Variants in TNFSF15 observed in about 807,000 individuals in gnomAD.
The protein encoded by TNFSF15 is TNF superfamily member 15.
Under a neutral mutation model 26.4 loss-of-function variants are expected in TNFSF15, and 15 were observed. The ratio of observed to expected loss-of-function variants is 0.57; its 90% CI spans 0.38 to 0.87. The LOEUF is 0.87. Ranked by LOEUF, TNFSF15 falls within the 40% of genes least tolerant of loss-of-function variation. TNFSF15 has a pLI of 0.00. For missense variants in TNFSF15, 290 were observed against 306.1 expected, an observed-to-expected ratio of 0.95 and a Z score of 0.39; for synonymous variants, 116 against 115.0, an observed-to-expected ratio of 1.01 and a Z score of -0.06.
chr9:114,799,161 C>T (rs1229767598), intron 1 of TNFSF15, among the ~76,000 whole-genome samples: 1 of 152,188 alleles, frequency 6.6e-6, no homozygotes, highest in Non-Finnish European at 1.5e-5. Context: ...AGCAAAGATG[C>T]TGGTGTTTGC....
intron 1 of TNFSF15, among the ~76,000 whole-genome samples, chr9:114,799,370 G>A (rs1425975378): frequency 6.6e-6 from 1 of 152,158 alleles, no homozygotes; most frequent in Non-Finnish European, 1.5e-5. Flanking sequence ...ATATATGATT[G>A]TAGGCTGTAT....
chr9:114,803,747 G>C (rs1829778538), intron 1 of TNFSF15, among the ~76,000 whole-genome samples: 1 of 152,214 alleles, frequency 6.6e-6, no homozygotes, highest in Admixed American at 6.5e-5. Context: ...TTTTGGCAGT[G>C]ACTGCCTTTC....
At chr9:114,799,497 T>C (rs1404545144) in intron 1 of TNFSF15, among the ~76,000 whole-genome samples, 1 of 152,216 alleles carries the variant, frequency 6.6e-6, no homozygotes, top group African/African-American at 2.4e-5. Context: ...CCGGGAGGCA[T>C]CTGCTTTTCC....
Position 114,790,173 on chromosome 9 carries a change from T to G in TNFSF15, c.*279A>C. ...CTGACCCGAGTAGATCATCCATTCA[T>G]TTAGTGATCAGTGTCTTAATATTTA... is the stretch of plus-strand genomic sequence containing the variant. On this transcript the variant is annotated 3_prime_UTR_variant, in exon 4 of 4. Coordinates refer to ENST00000374045, the MANE Select transcript of TNFSF15 (RefSeq NM_005118.4). 3.4e-6 allele frequency: 1 copy of G among 297,564 alleles called. No homozygotes were observed. The allele number at this position is 297,564 out of a possible 1,614,324, so 18.4% of individuals were successfully genotyped here.
In TNFSF15 at chr9:114,789,321, T is replaced by TTA. The variant is rs1253239583; in HGVS notation, c.*1130_*1131insTA. 1 of 150,408 alleles carries TTA rather than the reference T, an allele frequency of 6.6e-6. No individual in the cohort carries two copies. The highest frequency in any genetic ancestry group is 2.4e-5 in the African/African-American group (1 of 41,248). The allele number at this position is 150,408 out of a possible 1,614,324, so 9.3% of individuals were successfully genotyped here. Reference sequence around the variant, plus strand: ...TAAAGGCTTGGAGTTATTATTTTATTTTTTTTTTTTTGGACAGAGTTTTGC... The same window carrying TTA: ...TAAAGGCTTGGAGTTATTATTTTATTTATTTTTTTTTTTGGACAGAGTTTTGC... On this transcript the variant is annotated 3_prime_UTR_variant, in exon 4 of 4. Transcript: ENST00000374045.
intron 1 of TNFSF15, among the ~76,000 whole-genome samples, chr9:114,794,509 C>T (rs908051152): frequency 6.6e-6 from 1 of 152,132 alleles, no homozygotes; most frequent in Non-Finnish European, 1.5e-5. Flanking sequence ...CTAGCAATCT[C>T]ACTACTGGGC....
In TNFSF15 at chr9:114,787,360, T is replaced by G. The variant is rs1286907122; in HGVS notation, c.*3092A>C. On this transcript the variant is annotated 3_prime_UTR_variant, in exon 4 of 4. Coordinates refer to ENST00000374045, the MANE Select transcript of TNFSF15 (RefSeq NM_005118.4). The stretch of plus-strand genomic sequence containing the variant: ...GCCTAAAGTTTACGAATTAATTAGC[T>G]AATACAACCAAAATAAATTAAAGAA... 6.6e-6 allele frequency: 1 copy of G among 152,216 alleles called. No individual in the cohort carries two copies. The highest frequency in any genetic ancestry group is 1.5e-5 in the Non-Finnish European group (1 of 68,044). 9.4% of individuals were successfully genotyped at this position (152,216 alleles called of 1,614,324 possible).
intron 1 of TNFSF15, among the ~76,000 whole-genome samples, chr9:114,793,941 G>T (rs1418630494): frequency 6.6e-6 from 1 of 152,130 alleles, no homozygotes; most frequent in African/African-American, 2.4e-5. Flanking sequence ...TTTAAAAATT[G>T]GGACTCTTCT....
At position 114,790,861 on chromosome 9, in the gene TNFSF15, G is replaced by A. The variant is rs1829586642; in HGVS notation, c.347C>T (p.Ala116Val). The change falls in exon 4 of 4, where the codon GCT becomes GTT. Residue 116 changes from alanine to valine, a missense_variant. By Grantham distance (64) the Ala-to-Val change is moderately conservative. Coordinates refer to ENST00000374045, the MANE Select transcript of TNFSF15 (RefSeq NM_005118.4). The part of the protein sequence containing the change: ...PTQHFKNQFP[A>V]LHWEHELGLA... ...GCCTAGTTCATGTTCCCAGTGCAGAGCTGGGAACTGATTTTTAAAGTGCTG... is the reference window on the plus strand; with the variant it reads ...GCCTAGTTCATGTTCCCAGTGCAGAACTGGGAACTGATTTTTAAAGTGCTG... 4 of 1,614,030 alleles carry A rather than the reference G, an allele frequency of 2.5e-6. No homozygotes were observed. The African/African-American group carries it at 5.3e-5, about 22-fold the overall frequency.
At position 114,793,504 on chromosome 9, in the gene TNFSF15, C is replaced by T. The variant is rs145158202; in HGVS notation, c.253+22G>A. The T allele has an allele frequency of 8.7e-5, 141 of 1,613,046 alleles. 1 individual carries two copies. In the East Asian group the frequency reaches 2.5e-3, roughly 29 times the overall value. On this transcript the variant is annotated intron_variant, in intron 2 of 3. Coordinates refer to ENST00000374045, the MANE Select transcript of TNFSF15 (RefSeq NM_005118.4). Reference sequence around the variant, plus strand: ...TGTTCTTATTCCCCACGAGGAAAGGCGTTGAAGATGAGCATACTTACAAAC... The same window carrying T: ...TGTTCTTATTCCCCACGAGGAAAGGTGTTGAAGATGAGCATACTTACAAAC...
intron 1 of TNFSF15, among the ~76,000 whole-genome samples, chr9:114,798,168 G>T (rs1204813040): frequency 1.3e-5 from 2 of 152,168 alleles, no homozygotes; most frequent in Non-Finnish European, 2.9e-5. Context: ...GCTCTAGAAA[G>T]ATTTGTTGTA....
At chr9:114,800,026 C>G (rs1829723478) in intron 1 of TNFSF15, among the ~76,000 whole-genome samples, 1 of 152,020 alleles carries the variant, frequency 6.6e-6, no homozygotes, top group Admixed American at 6.6e-5. Flanking sequence ...TCTCAACTAT[C>G]TGTTTTTCTC....
chr9:114,798,662 T>C (rs1829702940), intron 1 of TNFSF15, among the ~76,000 whole-genome samples: 2 of 152,076 alleles, frequency 1.3e-5, no homozygotes, highest in African/African-American at 4.8e-5. Context: ...AAAGAGTGCA[T>C]GGAGGGCTTG....
rs1377916642 is a variant in TNFSF15, at chr9:114,786,150, A to T, written c.*4302T>A. ...TAAATTCTCTGTAGGTCCAGCTGCCAATATGATGCAAAAATGTTAATATCC... is the reference window on the plus strand; with the variant it reads ...TAAATTCTCTGTAGGTCCAGCTGCCTATATGATGCAAAAATGTTAATATCC... On this transcript the variant is annotated 3_prime_UTR_variant, in exon 4 of 4. Transcript: ENST00000374045. 2 of 152,264 alleles carry T rather than the reference A, an allele frequency of 1.3e-5. No individual in the cohort carries two copies. Among genetic ancestry groups the T allele is most frequent in the African/African-American group, 4.8e-5 (2 of 41,466 alleles). 9.4% of individuals were successfully genotyped at this position (152,264 alleles called of 1,614,324 possible). A position where few individuals can be genotyped will look rare whatever the true frequency, so the allele number is the denominator to read the frequency against.
intron 1 of TNFSF15, among the ~76,000 whole-genome samples, chr9:114,794,745 T>C (rs150259925): frequency 1.3e-5 from 2 of 152,104 alleles, no homozygotes; most frequent in African/African-American, 4.8e-5. Flanking sequence ...GAACTGGAGG[T>C]CATTATGTTA....
chr9:114,790,950 G>T (rs1442936659), intron 3 of TNFSF15, 44 bp from the exon 4 acceptor site: 2 of 1,590,458 alleles, frequency 1.3e-6, no homozygotes, highest in Admixed American at 3.4e-5. Context: ...TTGGGAAACT[G>T]TAGACTTTGC....
At chr9:114,804,962 A>T (rs1829798372) in intron 1 of TNFSF15, among the ~76,000 whole-genome samples, 1 of 152,210 alleles carries the variant, frequency 6.6e-6, no homozygotes, top group Non-Finnish European at 1.5e-5. Flanking sequence ...GGACATTTTT[A>T]AAAAGGATAT....
At chr9:114,794,346 T>C (rs1425175733) in intron 1 of TNFSF15, among the ~76,000 whole-genome samples, 7 of 152,352 alleles carry the variant, frequency 4.6e-5, no homozygotes, top group African/African-American at 1.7e-4. Context: ...TACCTGAGCA[T>C]AAAGCTTAAT....
In TNFSF15 at chr9:114,788,679, G is replaced by T. The variant is rs1046033707; in HGVS notation, c.*1773C>A. 3 of 152,060 alleles carry T rather than the reference G, an allele frequency of 2.0e-5. No homozygotes were observed. Among genetic ancestry groups the T allele is most frequent in the Non-Finnish European group, 4.4e-5 (3 of 68,012 alleles). 9.4% of individuals were successfully genotyped at this position (152,060 alleles called of 1,614,324 possible). ...CAGGATAGGAAGCATTTATAATACG[G>T]GCCAAGGGTCACCAGTCATATAATA... On this transcript the variant is annotated 3_prime_UTR_variant, in exon 4 of 4. Coordinates refer to ENST00000374045, the MANE Select transcript of TNFSF15 (RefSeq NM_005118.4).
Sources: allele counts gnomAD v4.1 joint callset (sites outside exome capture counted in the v4.1 genomes callset), GRCh38; gene constraint gnomAD v4.1.1; transcripts MANE v1.5; gene names NCBI Gene and HGNC (gene_info 2026-07-23, HGNC 2026-07-21).